Variants in LRMDA observed in about 807,000 individuals in gnomAD.
LRMDA encodes leucine rich melanocyte differentiation associated.
Under a neutral mutation model 29.8 loss-of-function variants are expected in LRMDA, and 18 were observed. That is an observed-to-expected ratio of 0.60 (90% CI 0.42 to 0.90). The LOEUF (loss-of-function observed/expected upper bound fraction) is 0.90, where lower values mean the gene tolerates loss of function less well. LRMDA is among the 40% of genes least tolerant of loss of function. The probability of loss-of-function intolerance (pLI) is 0.00; values close to 1 mark genes in which losing one functional copy is unlikely to be tolerated. For synonymous variants in LRMDA, 125 were observed against 109.4 expected, an observed-to-expected ratio of 1.14 and a Z score of -0.89; for missense variants, 273 against 273.9, an observed-to-expected ratio of 1.00 and a Z score of 0.02.
chr10:76,379,450 A>G (rs1230526552), intron 6 of LRMDA, among the ~76,000 whole-genome samples: 2 of 151,736 alleles, frequency 1.3e-5, no homozygotes, highest in Non-Finnish European at 1.5e-5. Context: ...TTCCTGGTTC[A>G]ATTTTGGGGG....
rs566102730 is a variant in LRMDA, at chr10:76,504,384, G to C, written c.602-52825G>C. On this transcript the variant is annotated intron_variant, in intron 6 of 6. Coordinates refer to ENST00000611255, the MANE Select transcript of LRMDA (RefSeq NM_001305581.2). ...TCATGTTTAAATCCATAATTTTTTTGTTCATTTCTGCCTCAATGATATGTC... is the reference window on the plus strand; with the variant it reads ...TCATGTTTAAATCCATAATTTTTTTCTTCATTTCTGCCTCAATGATATGTC... Among the ~76,000 whole-genome samples the C allele has an allele frequency of 6.6e-5, 10 of 151,916 alleles. No individual in the cohort carries two copies. The South Asian group carries it at 1.0e-3, about 16-fold the overall frequency.
chr10:75,881,835 C>G (rs116944765), intron 2 of LRMDA, among the ~76,000 whole-genome samples: 3,881 of 152,334 alleles, frequency 0.025, 58 homozygotes, highest in Non-Finnish European at 0.04. Context: ...CTTTCCTTAC[C>G]TTGCTGCGCA....
intron 6 of LRMDA, among the ~76,000 whole-genome samples, chr10:76,476,673 C>G (rs1343184422): frequency 6.6e-6 from 1 of 152,128 alleles, no homozygotes; most frequent in Non-Finnish European, 1.5e-5. Flanking sequence ...CAAACTGAAT[C>G]CAGCAGCACA....
chr10:75,476,995 CTTT>C, intron 2 of LRMDA, among the ~76,000 whole-genome samples: 1 of 145,212 alleles, frequency 6.9e-6, no homozygotes. Flanking sequence ...TTCTCTCTCT[CTTT>C]TTTTTTTTTG....
At chr10:76,162,389 G>T (rs74391370) in intron 5 of LRMDA, among the ~76,000 whole-genome samples, 3,723 of 152,206 alleles carry the variant, frequency 0.024, 153 homozygotes, top group African/African-American at 0.08. Context: ...CTTTGATCCT[G>T]TATTAGTCAA....
intron 6 of LRMDA, among the ~76,000 whole-genome samples, chr10:76,338,141 C>T (rs1033433890): frequency 6.6e-6 from 1 of 151,014 alleles, no homozygotes; most frequent in African/African-American, 2.4e-5. Context: ...TGCTTTTGAT[C>T]AGAAACTATA....
At chr10:76,076,189 T>C (rs1848953421) in intron 5 of LRMDA, among the ~76,000 whole-genome samples, 1 of 151,480 alleles carries the variant, frequency 6.6e-6, no homozygotes, top group Non-Finnish European at 1.5e-5. Flanking sequence ...TAAAAATACA[T>C]AAAATTAGCT....
chr10:76,283,351 CTGT>C (rs1269333245), intron 5 of LRMDA, among the ~76,000 whole-genome samples: 1 of 152,072 alleles, frequency 6.6e-6, no homozygotes, highest in Non-Finnish European at 1.5e-5. Flanking sequence ...AGTGGTGCAC[CTGT>C]TGTTGGAGGT....
chr10:76,069,764 A>G lies in LRMDA; in HGVS notation c.516+10981A>G, dbSNP rs563557442. On this transcript the variant is annotated intron_variant, in intron 5 of 6. Transcript: ENST00000611255. ...TATCTGGCTCGGTGACCTGTCACGTATTTTTGTTGGGCCCATTTTTATTCA... is the reference window on the plus strand; with the variant it reads ...TATCTGGCTCGGTGACCTGTCACGTGTTTTTGTTGGGCCCATTTTTATTCA... Among the ~76,000 whole-genome samples, 37 of 151,934 alleles carry G rather than the reference A, an allele frequency of 2.4e-4. No individual in the cohort carries two copies. The South Asian group carries it at 3.3e-3, about 14-fold the overall frequency.
intron 2 of LRMDA, among the ~76,000 whole-genome samples, chr10:75,776,732 A>G (rs1843316833): frequency 6.6e-6 from 1 of 152,346 alleles, no homozygotes; most frequent in Non-Finnish European, 1.5e-5. Context: ...AAAACAATTT[A>G]AACCGCACCT....
At chr10:76,454,929 TA>T (rs1359505724) in intron 6 of LRMDA, among the ~76,000 whole-genome samples, 1 of 152,198 alleles carries the variant, frequency 6.6e-6, no homozygotes, top group Non-Finnish European at 1.5e-5. Context: ...GGCCAAGTTG[TA>T]TTTCTGCTCT....
chr10:76,427,514 G>A (rs1448307367), intron 6 of LRMDA, among the ~76,000 whole-genome samples: 1 of 152,122 alleles, frequency 6.6e-6, no homozygotes, highest in Admixed American at 6.5e-5. Context: ...CTGAGACGAT[G>A]GGGTTTTCTA....
chr10:75,766,123 G>A (rs1327438909), intron 2 of LRMDA, among the ~76,000 whole-genome samples: 1 of 152,176 alleles, frequency 6.6e-6, no homozygotes, highest in Non-Finnish European at 1.5e-5. Context: ...TTGGAGGGTT[G>A]GGTGTTCACC....
chr10:75,993,376 A>C (rs2132461584), intron 2 of LRMDA, among the ~76,000 whole-genome samples: 1 of 152,342 alleles, frequency 6.6e-6, no homozygotes, highest in South Asian at 2.1e-4. Context: ...CATTGTTCTA[A>C]GTAATTAACA....
At chr10:75,466,903 C>A (rs760600328) in intron 2 of LRMDA, among the ~76,000 whole-genome samples, 9 of 152,168 alleles carry the variant, frequency 5.9e-5, no homozygotes, top group South Asian at 4.2e-4. Context: ...TTAAAAAAAA[C>A]CAAACCCCAA....
At chr10:75,832,985 C>T (rs550001211) in intron 2 of LRMDA, among the ~76,000 whole-genome samples, 10 of 152,292 alleles carry the variant, frequency 6.6e-5, no homozygotes, top group Non-Finnish European at 1.0e-4. Context: ...ATTTCATATA[C>T]TCTCCCTAGT....
chr10:75,958,618 A>T (rs1218613443), intron 2 of LRMDA, among the ~76,000 whole-genome samples: 1 of 152,144 alleles, frequency 6.6e-6, no homozygotes, highest in Non-Finnish European at 1.5e-5. Context: ...ATTTTTAATA[A>T]TTTTTTGGAT....
At chr10:75,511,625 A>G (rs1589165003) in intron 2 of LRMDA, among the ~76,000 whole-genome samples, 1 of 152,240 alleles carries the variant, frequency 6.6e-6, no homozygotes, top group East Asian at 1.9e-4. Context: ...TTACCTGTCC[A>G]CATAATGGTT....
At chr10:75,847,773 G>GA (rs1323426806) in intron 2 of LRMDA, among the ~76,000 whole-genome samples, 2 of 152,002 alleles carry the variant, frequency 1.3e-5, no homozygotes, top group African/African-American at 4.8e-5. Context: ...ATCATAAGGG[G>GA]AAAATCAAAG....
Sources: allele counts gnomAD v4.1 joint callset (sites outside exome capture counted in the v4.1 genomes callset), GRCh38; gene constraint gnomAD v4.1.1; transcripts MANE v1.5; gene names NCBI Gene and HGNC (gene_info 2026-07-23, HGNC 2026-07-21).